The following SCN4A variants were observed in gnomAD, a reference collection of about 807,000 sequenced individuals.
SCN4A encodes the protein sodium channel protein type 4 subunit alpha.
Under a neutral mutation model 162.0 loss-of-function variants are expected in SCN4A, and 83 were observed. The observed-to-expected ratio is 0.51, with a 90% CI of 0.43 to 0.61. SCN4A has a LOEUF of 0.61. SCN4A is among the 20% of genes least tolerant of loss of function. The pLI, the probability that SCN4A is intolerant of heterozygous loss-of-function variation, is 0.00. For synonymous variants in SCN4A, 944 were observed against 985.1 expected (o/e 0.96, Z 0.78); for missense variants, 2,196 against 2,462.5 (o/e 0.89, Z 2.29).
In SCN4A at chr17:63,943,815, C is replaced by T; in HGVS notation, c.3948G>A (p.Gln1316=). Residue 1316 remains glutamine (Q), a synonymous_variant, in exon 22 of 24, where the codon CAG becomes CAA. Coordinates refer to ENST00000435607, the MANE Select transcript of SCN4A (RefSeq NM_000334.4). Reference sequence around the variant, plus strand: ...TCTTCATGGCGTTATAGTATTTCTTCTGTTCCTCCGTCATAAAGATGTCTT... The same window carrying T: ...TCTTCATGGCGTTATAGTATTTCTTTTGTTCCTCCGTCATAAAGATGTCTT... ...GGKDIFMTEE[Q]KKYYNAMKKL... is the part of the protein sequence containing the mutation. The T allele has an allele frequency of 6.2e-7, 1 of 1,613,420 alleles. No homozygotes were observed.
In SCN4A at chr17:63,968,312, C is replaced by G; in HGVS notation, c.747G>C (p.Lys249Asn). 6.2e-7 allele frequency: 1 copy of G among 1,609,822 alleles called. No homozygotes were observed. Among genetic ancestry groups the G allele is most frequent in the South Asian group, 1.1e-5 (1 of 90,916 alleles). ...CAGTGAGGATCATCACATCCGACAG[C>G]TTTTTCACCGACTGGATCAGGGCCC... Reference protein sequence around the residue: ...IVGALIQSVKKLSDVMILTVF... With the variant: ...IVGALIQSVKNLSDVMILTVF... Residue 249 changes from lysine (K) to asparagine (N), a missense_variant, in exon 6 of 24, where the codon AAG becomes AAC. Lys to Asn is a moderately conservative substitution (Grantham distance 94). Coordinates refer to ENST00000435607, the MANE Select transcript of SCN4A (RefSeq NM_000334.4).
intron 5 of SCN4A, among the ~76,000 whole-genome samples, chr17:63,970,381 T>C (rs1909577027): frequency 6.6e-6 from 1 of 152,186 alleles, no homozygotes; most frequent in African/African-American, 2.4e-5. Flanking sequence ...AACTGAGACA[T>C]GGACAGGGCG....
In SCN4A at chr17:63,940,972, C is replaced by T. The variant is rs1349039203; in HGVS notation, c.5310G>A (p.Gly1770=). 2 of 1,613,326 alleles carry T rather than the reference C, an allele frequency of 1.2e-6. No homozygotes were observed. Among genetic ancestry groups the T allele is most frequent in the East Asian group, 4.5e-5 (2 of 44,864 alleles). Residue 1770 remains glycine, a synonymous_variant, in exon 24 of 24, where the codon GGG becomes GGA. Transcript: ENST00000435607. ...GSGDDAPEKE[G]LLANTMSKMY... is the part of the protein sequence containing the mutation. ...TCTTGCTCATGGTGTTGGCAAGCAG[C>T]CCCTCCTTCTCAGGGGCGTCATCCC...
rs773541890 is a variant in SCN4A, at chr17:63,972,796, A to T, written c.46T>A (p.Cys16Ser). 7.7e-5 allele frequency: 125 copies of T among 1,613,476 alleles called. 2 individuals carry two copies. The South Asian group carries it at 1.3e-3, about 17-fold the overall frequency. ...LCTLVPLGPE[C>S]LRPFTRESLA... ...GACTCCCGGGTGAAGGGGCGCAAGC[A>T]CTCAGGGCCCAGAGGCACCAGGGTG... Residue 16 changes from cysteine to serine, a missense_variant, in exon 1 of 24, where the codon TGC becomes AGC. Transcript: ENST00000435607. This position sits in a 1 kb window ranked among gnomAD's most constrained non-coding sequence, Gnocchi z 4.3.
chr17:63,947,947 G>A lies in SCN4A; in HGVS notation c.3261C>T (p.Tyr1087=), dbSNP rs534552884. Reference sequence around the variant, plus strand: ...CGTTGGTGAAGTACACCTTAAAGCCGTAGGCCACCCATTTGAGCAGCATCT... The same window carrying A: ...CGTTGGTGAAGTACACCTTAAAGCCATAGGCCACCCATTTGAGCAGCATCT... ...IMEMLLKWVA[Y]GFKVYFTNAW... Residue 1087 remains tyrosine, a synonymous_variant, in exon 17 of 24, where the codon TAC becomes TAT. Transcript: ENST00000435607. 42 of 1,613,982 alleles carry A rather than the reference G, an allele frequency of 2.6e-5. 1 individual carries two copies. The highest frequency in any genetic ancestry group is 4.5e-5 in the East Asian group (2 of 44,882).
At position 63,969,228 on chromosome 17, in the gene SCN4A, G is replaced by A. The variant is rs1368218699; in HGVS notation, c.704-873C>T. 5.9e-5 allele frequency among the ~76,000 whole-genome samples: 9 copies of A among 152,160 alleles called. No homozygotes were observed. The East Asian group carries it at 1.7e-3, about 29-fold the overall frequency. On this transcript the variant is annotated intron_variant, in intron 5 of 23. Transcript: ENST00000435607. ...CTTAAAATGCCTAGTAGCACCCGAG[G>A]AACAGCAGAAGCTCTAGACTGAACT...
intron 23 of SCN4A, among the ~76,000 whole-genome samples, chr17:63,942,542 A>G (rs1057352539): frequency 9.2e-5 from 14 of 152,256 alleles, no homozygotes; most frequent in African/African-American, 3.4e-4. Context: ...CAGTGCACAC[A>G]GACATGGAAC....
At position 63,963,717 on chromosome 17, in the gene SCN4A, T is replaced by C. The variant is rs1044983389; in HGVS notation, c.1561A>G (p.Arg521Gly). 1.2e-6 allele frequency: 2 copies of C among 1,602,004 alleles called. No homozygotes were observed. The highest frequency in any genetic ancestry group is 2.7e-5 in the African/African-American group (2 of 74,626). ...DTSQGEKGAP[R>G]QSSSGDSGIS... is the part of the protein sequence containing the mutation. ...CCGCTGTCTCCGCTGCTGCTCTGCC[T>C]CGGGGCTCCCTTCTCCCCTTGCGAT... Residue 521 changes from arginine to glycine, a missense_variant, in exon 10 of 24, where the codon AGG (arginine) becomes GGG (glycine). Transcript: ENST00000435607.
At position 63,971,230 on chromosome 17, in the gene SCN4A, A is replaced by G. The variant is rs1452792101; in HGVS notation, c.635T>C (p.Leu212Ser). 1.3e-6 allele frequency: 2 copies of G among 1,562,960 alleles called. No individual in the cohort carries two copies. Among genetic ancestry groups the G allele is most frequent in the East Asian group, 2.4e-5 (1 of 42,214 alleles). ...GGTCCTCAGGGCTGAGATGTTGCCC[A>G]AGTCCACAAACTCTGTCAGGTACCT... ...MMAYLTEFVD[L>S]GNISALRTFR... is the part of the protein sequence containing the mutation. The change falls in exon 5 of 24, where the codon TTG becomes TCG. Residue 212 changes from leucine to serine, a missense_variant. Transcript: ENST00000435607.
At chr17:63,954,531 TG>T (rs1244349172) in intron 13 of SCN4A, among the ~76,000 whole-genome samples, 1 of 152,134 alleles carries the variant, frequency 6.6e-6, no homozygotes, top group African/African-American at 2.4e-5. Flanking sequence ...TCAATTTCCC[TG>T]GGGGTTCTGT....
chr17:63,948,470 C>T lies in SCN4A; in HGVS notation c.3144+141G>A, dbSNP rs16947283. The T allele has an allele frequency of 8.7e-3, 5,969 of 687,010 alleles. 283 individuals are homozygous for T. In the African/African-American group the frequency reaches 0.098, roughly 11 times the overall value. The allele number at this position is 687,010 out of a possible 1,614,324, so 42.6% of individuals were successfully genotyped here. On this transcript the variant is annotated intron_variant, in intron 16 of 23. Coordinates refer to ENST00000435607, the MANE Select transcript of SCN4A (RefSeq NM_000334.4). ...CACATCCTATAACCTATCCCGGAGG[C>T]ACAGCGAGTTCCTTTAGGATTCTCA...
chr17:63,942,084 G>C lies in SCN4A; in HGVS notation c.4289-91C>G, dbSNP rs1908558925. The C allele has an allele frequency of 3.2e-6, 4 of 1,265,408 alleles. No homozygotes were observed. The East Asian group carries it at 1.0e-4, about 32-fold the overall frequency. 78.4% of individuals were successfully genotyped at this position (1,265,408 alleles called of 1,614,324 possible). A position where few individuals can be genotyped will look rare whatever the true frequency, so the allele number is the denominator to read the frequency against. On this transcript the variant is annotated intron_variant, in intron 23 of 23. Transcript: ENST00000435607. ...ATGCGGGGCTCAGGGGGCCCGGCCT[G>C]GTGTGCTCTGCTCAAGTCTCAGAGC...
Position 63,945,052 on chromosome 17 carries a change from G to A in SCN4A, c.3729C>T (p.Phe1243=). 1 of 1,613,812 alleles carries A rather than the reference G, an allele frequency of 6.2e-7. No homozygotes were observed. The highest frequency in any genetic ancestry group is 8.5e-7 in the Non-Finnish European group (1 of 1,179,820). ...CATACATGATGTCCATCCAACCCTT[G>A]AAGGTGGCCTGAGAGAGTGTGGTTG... The part of the protein sequence containing the change: ...GYLSLLQVAT[F]KGWMDIMYAA... Residue 1243 remains phenylalanine, a synonymous_variant, in exon 20 of 24, where the codon TTC becomes TTT. Transcript: ENST00000435607. This position sits in a 1 kb window ranked among gnomAD's most constrained non-coding sequence, Gnocchi z 4.4.
intron 12 of SCN4A, among the ~76,000 whole-genome samples, chr17:63,958,753 A>G (rs1265168401): frequency 2.0e-5 from 3 of 152,184 alleles, no homozygotes; most frequent in Admixed American, 6.5e-5. Flanking sequence ...GAGTTTCACC[A>G]TGTTGGCCAG....
At chr17:63,949,365 AC>A in intron 15 of SCN4A, 27 bp downstream of exon 15, 1 of 1,550,880 alleles carries the variant, frequency 6.4e-7, no homozygotes. Flanking sequence ...TGGGGGAGAC[AC>A]CCAGATGAGG....
Position 63,941,764 on chromosome 17 carries a change from G to A in SCN4A, c.4518C>T (p.Tyr1506=), listed in dbSNP as rs777015227. The change falls in exon 24 of 24, where the codon TAC becomes TAT. Residue 1506 remains tyrosine, a synonymous_variant. Coordinates refer to ENST00000435607, the MANE Select transcript of SCN4A (RefSeq NM_000334.4). The surrounding 1 kb of genome is among the most constrained non-coding windows in gnomAD (Gnocchi z 6.2). Reference sequence around the variant, plus strand: ...CATCGATGCCCGACTCCTTCTTGACGTAGGCAAAGTTGGACATGCCGAAGA... The same window carrying A: ...CATCGATGCCCGACTCCTTCTTGACATAGGCAAAGTTGGACATGCCGAAGA... ...YSIFGMSNFA[Y]VKKESGIDDM... is the part of the protein sequence containing the mutation. The A allele has an allele frequency of 5.6e-6, 9 of 1,614,130 alleles. No individual in the cohort carries two copies. Among genetic ancestry groups the A allele is most frequent in the Admixed American group, 3.3e-5 (2 of 60,004 alleles).
At position 63,966,120 on chromosome 17, in the gene SCN4A, C is replaced by A. The variant is rs1182542504; in HGVS notation, c.1224G>T (p.Trp408Cys). The stretch of plus-strand genomic sequence containing the variant: ...GCTGTACCAGCTGGAAGAGGTTCTC[C>A]CAATAGTCCTGTGTCATGAGGCGGA... ...ALFRLMTQDY[W>C]ENLFQLTLRA... is the part of the protein sequence containing the mutation. Residue 408 changes from tryptophan to cysteine, a missense_variant, in exon 8 of 24, where the codon TGG (tryptophan) becomes TGT (cysteine). Physicochemically the swap from Trp to Cys is radical, Grantham distance 215. Transcript: ENST00000435607. The A allele has an allele frequency of 6.3e-7, 1 of 1,585,640 alleles. No individual in the cohort carries two copies. Among genetic ancestry groups the A allele is most frequent in the Admixed American group, 1.8e-5 (1 of 55,394 alleles).
At chr17:63,960,502 C>G (rs1043389627) in intron 11 of SCN4A, among the ~76,000 whole-genome samples, 3 of 152,218 alleles carry the variant, frequency 2.0e-5, no homozygotes, top group African/African-American at 7.2e-5. Context: ...GGGAGCATCT[C>G]GCCCATTTGC....
In SCN4A at chr17:63,949,499, G is replaced by A; in HGVS notation, c.2883C>T (p.Asn961=). Residue 961 remains asparagine (N), a synonymous_variant, in exon 15 of 24, where the codon AAC becomes AAT. Coordinates refer to ENST00000435607, the MANE Select transcript of SCN4A (RefSeq NM_000334.4). ...AGTCAGCTGTGCTGCAGACGGACGA[G>A]TTCCCATCATAGAGAGGCTGCGGCG... ...KKPPQPLYDG[N]SSVCSTADYK... is the part of the protein sequence containing the mutation. The A allele has an allele frequency of 6.2e-7, 1 of 1,612,292 alleles. No individual in the cohort carries two copies. The highest frequency in any genetic ancestry group is 8.5e-7 in the Non-Finnish European group (1 of 1,178,822).
Sources: allele counts gnomAD v4.1 joint callset (sites outside exome capture counted in the v4.1 genomes callset), GRCh38; gene constraint gnomAD v4.1.1; non-coding constraint Gnocchi (gnomAD v3.1); transcripts MANE v1.5; gene names NCBI Gene and HGNC (gene_info 2026-07-23, HGNC 2026-07-21).